The following ABLIM3 variants were observed in gnomAD, a reference collection of about 807,000 sequenced individuals.
ABLIM3 encodes actin binding LIM protein family member 3, also known as actin-binding LIM protein 3.
In ABLIM3, 61 loss-of-function variants were observed where a neutral mutation model predicts 109.5. The ratio of observed to expected loss-of-function variants is 0.56; its 90% CI spans 0.45 to 0.69. The LOEUF is 0.69. Among genes scored for constraint, ABLIM3 ranks in the 30% least tolerant of loss-of-function variants. The pLI is 0.00. For missense variants in ABLIM3, 796 were observed against 889.5 expected (o/e 0.89, Z 1.34); for synonymous variants, 300 against 324.8 (o/e 0.92, Z 0.82).
At chr5:149,156,992 C>A (rs1753913722) in intron 2 of ABLIM3, among the ~76,000 whole-genome samples, 1 of 152,216 alleles carries the variant, frequency 6.6e-6, no homozygotes, top group Non-Finnish European at 1.5e-5. Context: ...AAAATGATGA[C>A]AAAGAAATGT....
In ABLIM3 at chr5:149,240,671, T is replaced by C. The variant is rs369724719; in HGVS notation, c.1205-5T>C. 1.2e-6 allele frequency: 2 copies of C among 1,613,374 alleles called. No homozygotes were observed. Among genetic ancestry groups the C allele is most frequent in the Admixed American group, 1.7e-5 (1 of 60,018 alleles). On this transcript the variant is annotated splice_polypyrimidine_tract_variant and splice_region_variant and intron_variant, in intron 13 of 23. Coordinates refer to ENST00000309868, the MANE Select transcript of ABLIM3 (RefSeq NM_014945.5). ...TCTTTGGCGACCACTTCCTGCGTGC[T>C]CCAGGGCCCGAGAGTGGCCGGAGCT...
At chr5:149,184,653 AT>A (rs1204652146) in intron 3 of ABLIM3, among the ~76,000 whole-genome samples, 1 of 152,176 alleles carries the variant, frequency 6.6e-6, no homozygotes, top group East Asian at 1.9e-4. Context: ...AAAGGACTAC[AT>A]TTCTGTTGAT....
At chr5:149,236,050 C>A (rs1047440819) in intron 10 of ABLIM3, among the ~76,000 whole-genome samples, 2 of 152,202 alleles carry the variant, frequency 1.3e-5, no homozygotes, top group Admixed American at 6.5e-5. Flanking sequence ...AGTGTGCCAA[C>A]CTCTCTCTCC....
intron 14 of ABLIM3, 104 bp from the exon 15 acceptor site, chr5:149,242,387 C>G (rs1581223405): frequency 1.7e-6 from 2 of 1,180,078 alleles, no homozygotes; most frequent in East Asian, 2.4e-5. Context: ...TGTTGCCCAT[C>G]TCTCTCTTCT....
chr5:149,194,538 C>T (rs1757775552), intron 3 of ABLIM3, among the ~76,000 whole-genome samples: 1 of 152,298 alleles, frequency 6.6e-6, no homozygotes, highest in South Asian at 2.1e-4. Context: ...CTCAAATGCC[C>T]TTCAGCAGTG....
intron 2 of ABLIM3, among the ~76,000 whole-genome samples, chr5:149,167,503 C>T (rs963360988): frequency 6.6e-6 from 1 of 152,154 alleles, no homozygotes; most frequent in African/African-American, 2.4e-5. Flanking sequence ...CAAGACACTT[C>T]TCATCTTGTG....
intron 3 of ABLIM3, among the ~76,000 whole-genome samples, chr5:149,192,624 C>CAAA (rs1248511036): frequency 2.0e-5 from 1 of 50,158 alleles, no homozygotes; most frequent in Non-Finnish European, 4.2e-5. Context: ...GACTCCGTCT[C>CAAA]AAAAAAAAAA....
intron 2 of ABLIM3, among the ~76,000 whole-genome samples, chr5:149,181,327 G>T (rs4626325): frequency 6.6e-6 from 1 of 151,128 alleles, no homozygotes; most frequent in Admixed American, 6.6e-5. Flanking sequence ...AGAGCTGTAG[G>T]GGGGATGTGA....
intron 7 of ABLIM3, among the ~76,000 whole-genome samples, chr5:149,213,813 A>ATT (rs34289553): frequency 1.8e-4 from 27 of 148,242 alleles, no homozygotes; most frequent in Admixed American, 2.7e-4. Context: ...CGACTTATTG[A>ATT]TTTTTTTTTT....
intron 8 of ABLIM3, chr5:149,218,630 G>A (rs1760333818): frequency 6.6e-6 from 1 of 152,286 alleles, no homozygotes. Context: ...GCCTTGTGGA[G>A]AGACTTTGTT....
In ABLIM3 at chr5:149,239,906, C is replaced by A; in HGVS notation, c.1204+18C>A. 2 of 1,589,292 alleles carry A rather than the reference C, an allele frequency of 1.3e-6. No individual in the cohort carries two copies. The highest frequency in any genetic ancestry group is 1.1e-5 in the South Asian group (1 of 87,996). ...CCGCTCTGGTAAGGAAGGGGGAGGA[C>A]CTGAAGGGAGAGGAAGAGCCAGGGA... On this transcript the variant is annotated intron_variant, in intron 13 of 23. Transcript: ENST00000309868.
chr5:149,172,391 A>C (rs1217720633), intron 2 of ABLIM3, among the ~76,000 whole-genome samples: 1 of 152,174 alleles, frequency 6.6e-6, no homozygotes, highest in Non-Finnish European at 1.5e-5. Context: ...GTCATGGTCA[A>C]AAAACGTTTG....
Position 149,259,006 on chromosome 5 carries a change from C to A in ABLIM3, c.*602C>A. 1 of 998,106 alleles carries A rather than the reference C, an allele frequency of 1.0e-6. No individual in the cohort carries two copies. Among genetic ancestry groups the A allele is most frequent in the Non-Finnish European group, 1.2e-6 (1 of 837,414 alleles). 61.8% of individuals were successfully genotyped at this position (998,106 alleles called of 1,614,324 possible). The stretch of plus-strand genomic sequence containing the variant: ...GGACAGGGCCTAGGCCTCTCCTCAG[C>A]TCCTTAACCCTCCTCCTTCTGCCCT... On this transcript the variant is annotated 3_prime_UTR_variant, in exon 24 of 24. Coordinates refer to ENST00000309868, the MANE Select transcript of ABLIM3 (RefSeq NM_014945.5).
At chr5:149,257,824 G>A (rs891000371) in intron 23 of ABLIM3, among the ~76,000 whole-genome samples, 4 of 152,128 alleles carry the variant, frequency 2.6e-5, no homozygotes, top group Admixed American at 2.0e-4. Context: ...TCATTGACTG[G>A]CCTGATGAAC....
At chr5:149,193,884 T>A (rs1385468257) in intron 3 of ABLIM3, among the ~76,000 whole-genome samples, 1 of 152,194 alleles carries the variant, frequency 6.6e-6, no homozygotes, top group African/African-American at 2.4e-5. Flanking sequence ...ATTATGCATG[T>A]GGGAGAAAAT....
intron 21 of ABLIM3, 153 bp downstream of exon 21, chr5:149,251,572 C>T: frequency 2.3e-6 from 2 of 872,988 alleles, no homozygotes; most frequent in Non-Finnish European, 3.6e-6. Flanking sequence ...TCACTTCCCA[C>T]CCCCTCCCTT....
In ABLIM3 at chr5:149,240,735, C is replaced by A; in HGVS notation, c.1264C>A (p.Pro422Thr). The change falls in exon 14 of 24, where the codon CCA becomes ACA. Residue 422 changes from proline to threonine, a missense_variant. Coordinates refer to ENST00000309868, the MANE Select transcript of ABLIM3 (RefSeq NM_014945.5). ...CCAGTTAGATGTGAGGTCCTCCACT[C>A]CAACCTCTTACCAGGCTCCCAAGCA... ...HSQLDVRSSTPTSYQAPKHFH... is the reference protein window; with the variant it reads ...HSQLDVRSSTTTSYQAPKHFH... The A allele has an allele frequency of 6.2e-7, 1 of 1,614,160 alleles. No individual in the cohort carries two copies. The highest frequency in any genetic ancestry group is 8.5e-7 in the Non-Finnish European group (1 of 1,180,048).
intron 10 of ABLIM3, among the ~76,000 whole-genome samples, chr5:149,234,187 G>A (rs1018460490): frequency 6.6e-6 from 1 of 152,176 alleles, no homozygotes; most frequent in Non-Finnish European, 1.5e-5. Flanking sequence ...AGGACTAGTT[G>A]GGAGAAGGCA....
intron 8 of ABLIM3, among the ~76,000 whole-genome samples, chr5:149,222,716 GA>G (rs1316144923): frequency 1.4e-5 from 2 of 147,218 alleles, no homozygotes; most frequent in Non-Finnish European, 3.0e-5. Context: ...CTGGTTTCAG[GA>G]GCTGTGTATT....
Sources: allele counts gnomAD v4.1 joint callset (sites outside exome capture counted in the v4.1 genomes callset), GRCh38; gene constraint gnomAD v4.1.1; transcripts MANE v1.5; gene names NCBI Gene and HGNC (gene_info 2026-07-23, HGNC 2026-07-21).